The following SNTG1 variants were observed in gnomAD, a reference collection of about 807,000 sequenced individuals.
SNTG1 encodes gamma-1-syntrophin.
In SNTG1, 39 loss-of-function variants were observed where a neutral mutation model predicts 74.7. That is an observed-to-expected ratio of 0.52 (90% CI 0.40 to 0.68). The LOEUF is 0.68. SNTG1 is among the 30% of genes least tolerant of loss of function. The pLI is 0.00. For synonymous variants in SNTG1, 254 were observed against 217.1 expected (o/e 1.17, Z -1.49); for missense variants, 685 against 609.5 (o/e 1.12, Z -1.30).
chr8:50,050,347 T>C (rs895036141), intron 1 of SNTG1, among the ~76,000 whole-genome samples: 1 of 151,874 alleles, frequency 6.6e-6, no homozygotes, highest in Non-Finnish European at 1.5e-5. Flanking sequence ...TTTGATAACC[T>C]AGACAAAATG....
chr8:50,673,792 A>G (rs1233192851), intron 15 of SNTG1, among the ~76,000 whole-genome samples: 1 of 152,106 alleles, frequency 6.6e-6, no homozygotes, highest in Non-Finnish European at 1.5e-5. Flanking sequence ...TTGCCCATTC[A>G]ATATTATATC....
chr8:50,149,477 C>A lies in SNTG1; in HGVS notation c.-102-23084C>A, dbSNP rs563746819. Among the ~76,000 whole-genome samples, 16 of 152,242 alleles carry A rather than the reference C, an allele frequency of 1.1e-4. No individual in the cohort carries two copies. In the South Asian group the frequency reaches 2.7e-3, roughly 26 times the overall value. Reference sequence around the variant, plus strand: ...ATGAAGTCCTTGCCCATGCCTATGTCCTGAATAGTATTGGCTAGGTTTTCT... The same window carrying A: ...ATGAAGTCCTTGCCCATGCCTATGTACTGAATAGTATTGGCTAGGTTTTCT... On this transcript the variant is annotated intron_variant, in intron 1 of 18. Coordinates refer to ENST00000642720, the MANE Select transcript of SNTG1 (RefSeq NM_018967.5).
intron 1 of SNTG1, among the ~76,000 whole-genome samples, chr8:50,104,016 A>T (rs2080261302): frequency 6.6e-6 from 1 of 152,114 alleles, no homozygotes; most frequent in South Asian, 2.1e-4. Flanking sequence ...ATCAGTCTAA[A>T]ATTCTCTTTT....
chr8:50,177,056 G>A (rs2083024740), intron 2 of SNTG1, among the ~76,000 whole-genome samples: 1 of 152,150 alleles, frequency 6.6e-6, no homozygotes, highest in East Asian at 1.9e-4. Flanking sequence ...GTTTGTCTGT[G>A]AAGTAGAGTC....
chr8:50,300,053 A>C (rs76787236), intron 2 of SNTG1, among the ~76,000 whole-genome samples: 10,522 of 152,140 alleles, frequency 0.069, 403 homozygotes, highest in African/African-American at 0.085. Flanking sequence ...TATTTTTAAA[A>C]CACTTTTTTT....
intron 2 of SNTG1, among the ~76,000 whole-genome samples, chr8:50,230,350 T>C (rs2085553499): frequency 2.0e-5 from 3 of 151,162 alleles, no homozygotes; most frequent in South Asian, 2.1e-4. Context: ...AAATTACCAA[T>C]ATTACTATGA....
intron 1 of SNTG1, among the ~76,000 whole-genome samples, chr8:49,953,614 T>A (rs536599843): frequency 6.6e-6 from 1 of 152,328 alleles, no homozygotes; most frequent in East Asian, 1.9e-4. Flanking sequence ...GATATGTAAA[T>A]GCAAAGGAAA....
intron 15 of SNTG1, among the ~76,000 whole-genome samples, chr8:50,664,740 T>C (rs758970458): frequency 1.2e-4 from 19 of 152,106 alleles, no homozygotes; most frequent in Non-Finnish European, 2.4e-4. Context: ...AGGTTCTTCC[T>C]AGTGAGAGGA....
chr8:50,613,979 C>G (rs986708489), intron 13 of SNTG1, among the ~76,000 whole-genome samples: 5 of 152,054 alleles, frequency 3.3e-5, no homozygotes, highest in African/African-American at 1.2e-4. Flanking sequence ...AGTTTTGATT[C>G]AACTTTTAGA....
intron 9 of SNTG1, among the ~76,000 whole-genome samples, chr8:50,510,889 G>T (rs1486674901): frequency 6.6e-6 from 1 of 151,868 alleles, no homozygotes; most frequent in Non-Finnish European, 1.5e-5. Context: ...TTGATTTTTT[G>T]AACAGTTTTT....
intron 1 of SNTG1, among the ~76,000 whole-genome samples, chr8:50,143,818 A>T (rs1245539968): frequency 6.6e-6 from 1 of 152,234 alleles, no homozygotes; most frequent in Non-Finnish European, 1.5e-5. Flanking sequence ...GGGGAGTAAC[A>T]TATTAAGACT....
At chr8:50,068,651 C>T (rs1181920129) in intron 1 of SNTG1, among the ~76,000 whole-genome samples, 1 of 152,194 alleles carries the variant, frequency 6.6e-6, no homozygotes, top group Non-Finnish European at 1.5e-5. Flanking sequence ...ACCTCTTCTA[C>T]ACAAATGGAT....
At position 50,723,126 on chromosome 8, in the gene SNTG1, T is replaced by A. The variant is rs546892360; in HGVS notation, c.1284+14148T>A. On this transcript the variant is annotated intron_variant, in intron 17 of 18. Transcript: ENST00000642720. The stretch of plus-strand genomic sequence containing the variant: ...CCAAACGTACGTGACCACATTTGAC[T>A]TCCTTGTTCTGGAGGAGCAAGCAGG... 3.9e-5 allele frequency among the ~76,000 whole-genome samples: 6 copies of A among 152,244 alleles called. No homozygotes were observed. In the South Asian group the frequency reaches 1.2e-3, roughly 32 times the overall value.
At chr8:50,618,573 G>A (rs569197976) in intron 13 of SNTG1, among the ~76,000 whole-genome samples, 1 of 152,324 alleles carries the variant, frequency 6.6e-6, no homozygotes, top group African/African-American at 2.4e-5. Flanking sequence ...CAAGATTCCT[G>A]AAAAACTAAG....
intron 8 of SNTG1, among the ~76,000 whole-genome samples, chr8:50,495,426 C>A (rs906069430): frequency 6.6e-6 from 1 of 151,510 alleles, no homozygotes; most frequent in Admixed American, 6.6e-5. Context: ...TTGCAGCAAC[C>A]AAGATGAGAG....
chr8:50,004,461 C>G (rs184259110), intron 1 of SNTG1, among the ~76,000 whole-genome samples: 2 of 152,110 alleles, frequency 1.3e-5, no homozygotes. Flanking sequence ...CTAGAGGATC[C>G]TCACTTACTG....
chr8:50,370,067 T>C (rs1256709579), intron 2 of SNTG1, among the ~76,000 whole-genome samples: 1 of 152,186 alleles, frequency 6.6e-6, no homozygotes, highest in Admixed American at 6.5e-5. Flanking sequence ...GAGTACTATG[T>C]ATATACATTT....
chr8:50,422,615 T>G (rs1360905682), intron 4 of SNTG1, among the ~76,000 whole-genome samples: 1 of 30,586 alleles, frequency 3.3e-5, no homozygotes, highest in East Asian at 8.4e-4. Context: ...CAAAGGTAGG[T>G]TGGGGGGAAG....
Position 50,316,255 on chromosome 8 carries a change from T to C in SNTG1, c.-27-77957T>C, listed in dbSNP as rs77445575. Among the ~76,000 whole-genome samples the C allele has an allele frequency of 8.3e-4, 127 of 152,194 alleles. No homozygotes were observed. In the East Asian group the frequency reaches 0.023, roughly 27 times the overall value. On this transcript the variant is annotated intron_variant, in intron 2 of 18. Coordinates refer to ENST00000642720, the MANE Select transcript of SNTG1 (RefSeq NM_018967.5). ...GAATCCATGATGATGCCAGAGCACA[T>C]TTGTTAGAAAAAAAAGTTTCAGTTT...
Sources: allele counts gnomAD v4.1 joint callset (sites outside exome capture counted in the v4.1 genomes callset), GRCh38; gene constraint gnomAD v4.1.1; transcripts MANE v1.5; gene names NCBI Gene and HGNC (gene_info 2026-07-23, HGNC 2026-07-21).